The following B3GALT1 variants were observed in gnomAD, a reference collection of about 807,000 sequenced individuals.
B3GALT1 encodes the protein UDP-Gal:betaGlcNAc beta 1,3-galactosyltransferase, polypeptide 1.
In B3GALT1, 10 loss-of-function variants were observed where a neutral mutation model predicts 23.2. The observed-to-expected ratio is 0.43, with a 90% CI of 0.27 to 0.73. B3GALT1 has a LOEUF of 0.73. Ranked by LOEUF, B3GALT1 falls within the 30% of genes least tolerant of loss-of-function variation. The probability of loss-of-function intolerance (pLI) is 0.21; values close to 1 mark genes in which losing one functional copy is unlikely to be tolerated. For synonymous variants in B3GALT1, 156 were observed against 141.5 expected (o/e 1.10, Z -0.73); for missense variants, 299 against 405.4 (o/e 0.74, Z 2.25).
At chr2:167,718,504 T>C (rs2105252510) in intron 3 of B3GALT1, among the ~76,000 whole-genome samples, 1 of 152,306 alleles carries the variant, frequency 6.6e-6, no homozygotes, top group East Asian at 1.9e-4. Flanking sequence ...AGCAATATTT[T>C]TCCTCACCAG....
At chr2:167,760,765 T>C (rs1687887761) in intron 3 of B3GALT1, among the ~76,000 whole-genome samples, 1 of 152,196 alleles carries the variant, frequency 6.6e-6, no homozygotes, top group African/African-American at 2.4e-5. Context: ...CGTTAGTTTC[T>C]CAAGCTACCT....
chr2:167,748,329 G>A (rs758922108), intron 3 of B3GALT1, among the ~76,000 whole-genome samples: 1 of 151,926 alleles, frequency 6.6e-6, no homozygotes, highest in Non-Finnish European at 1.5e-5. Flanking sequence ...CGAGATGAGC[G>A]ATAACTTGCA....
chr2:167,830,130 G>A (rs1209115268), intron 4 of B3GALT1, among the ~76,000 whole-genome samples: 1 of 152,192 alleles, frequency 6.6e-6, no homozygotes, highest in East Asian at 1.9e-4. Flanking sequence ...TCTCGCCAAT[G>A]CCCACCAGAG....
intron 3 of B3GALT1, among the ~76,000 whole-genome samples, chr2:167,728,575 TA>T (rs1467370369): frequency 6.6e-6 from 1 of 152,240 alleles, no homozygotes; most frequent in African/African-American, 2.4e-5. Flanking sequence ...GGCAACCTTT[TA>T]TGTCACGACT....
intron 2 of B3GALT1, among the ~76,000 whole-genome samples, chr2:167,539,039 T>A (rs1558897529): frequency 6.6e-6 from 1 of 152,188 alleles, no homozygotes; most frequent in African/African-American, 2.4e-5. Context: ...TTATAATAGT[T>A]AATGTAAAAG....
chr2:167,657,922 C>A (rs146133313), intron 3 of B3GALT1, among the ~76,000 whole-genome samples: 436 of 152,208 alleles, frequency 2.9e-3, no homozygotes, highest in African/African-American at 9.8e-3. Context: ...TTAAATGAAT[C>A]AAAATCTATT....
At chr2:167,716,148 C>T in intron 3 of B3GALT1, 3 of 1,365,684 alleles carry the variant, frequency 2.2e-6, no homozygotes, top group Non-Finnish European at 3.0e-6. Context: ...GGTCTGGAAC[C>T]CGAATCCGCA....
chr2:167,869,417 CA>C lies in B3GALT1; in HGVS notation c.380del (p.Asn127IlefsTer31). The C allele has an allele frequency of 6.2e-7, 1 of 1,614,100 alleles. No individual in the cohort carries two copies. Among genetic ancestry groups the C allele is most frequent in the Non-Finnish European group, 8.5e-7 (1 of 1,180,020 alleles). On this transcript the variant is annotated frameshift_variant, in exon 5 of 5. Transcript: ENST00000392690. LOFTEE classifies it high-confidence loss of function. The surrounding 1 kb of genome is among the most constrained non-coding windows in gnomAD (Gnocchi z 6.4). Reference sequence around the variant, plus strand: ...TGGGCAAGAATGCTGATCCTGTTCTCAATCAGATGGTGGAGCAAGAGAGCCA... The same window carrying C: ...TGGGCAAGAATGCTGATCCTGTTCTCATCAGATGGTGGAGCAAGAGAGCCA... ...LLGKNADPVL[N>X]QMVEQESQIF...
intron 2 of B3GALT1, among the ~76,000 whole-genome samples, chr2:167,555,954 C>G (rs1558903307): frequency 6.6e-6 from 1 of 152,138 alleles, no homozygotes; most frequent in Non-Finnish European, 1.5e-5. Context: ...ACATGCCTCA[C>G]CATTCTGTAG....
intron 2 of B3GALT1, among the ~76,000 whole-genome samples, chr2:167,575,406 C>A (rs186443199): frequency 3.4e-4 from 52 of 151,832 alleles, no homozygotes; most frequent in African/African-American, 1.2e-3. Context: ...GTGAGGTCTG[C>A]AAATATGACA....
rs1322437156 is a variant in B3GALT1 at position 167,504,579 on chromosome 2, C to T, written c.-410+14302C>T. Among the ~76,000 whole-genome samples, 7 of 152,254 alleles carry T rather than the reference C, an allele frequency of 4.6e-5. No individual in the cohort carries two copies. The East Asian group carries it at 9.6e-4, about 21-fold the overall frequency. ...CTTATCAGAAAGGAGTAGCATCCTT[C>T]AATCTTCATTGATAGCTGACTGATT... On this transcript the variant is annotated intron_variant, in intron 2 of 4. Coordinates refer to ENST00000392690, the MANE Select transcript of B3GALT1 (RefSeq NM_020981.4).
chr2:167,754,617 G>A (rs1687787991), intron 3 of B3GALT1, among the ~76,000 whole-genome samples: 1 of 152,150 alleles, frequency 6.6e-6, no homozygotes, highest in South Asian at 2.1e-4. Context: ...TACCAAAAGA[G>A]AGGAAAAAGA....
chr2:167,647,817 T>C (rs1160617072), intron 3 of B3GALT1, among the ~76,000 whole-genome samples: 1 of 152,154 alleles, frequency 6.6e-6, no homozygotes, highest in Admixed American at 6.6e-5. Context: ...GGTGGTTGTA[T>C]GTATTTATGG....
At chr2:167,688,484 A>G (rs1686652854) in intron 3 of B3GALT1, among the ~76,000 whole-genome samples, 1 of 152,154 alleles carries the variant, frequency 6.6e-6, no homozygotes, top group South Asian at 2.1e-4. Flanking sequence ...CTGAATGGAA[A>G]TTTTAGAACT....
At chr2:167,809,874 C>T (rs1319930113) in intron 3 of B3GALT1, among the ~76,000 whole-genome samples, 2 of 152,028 alleles carry the variant, frequency 1.3e-5, no homozygotes, top group African/African-American at 2.4e-5. Context: ...TATGTCCTGC[C>T]CCCAGAGGTG....
At chr2:167,666,197 T>C (rs551651270) in intron 3 of B3GALT1, among the ~76,000 whole-genome samples, 4 of 152,360 alleles carry the variant, frequency 2.6e-5, no homozygotes, top group African/African-American at 9.6e-5. Context: ...CTGCCTTCAT[T>C]TCATTATGTA....
intron 1 of B3GALT1, 51 bp from the exon 2 acceptor site, chr2:167,490,126 T>G (rs1234547528): frequency 1.3e-5 from 2 of 152,208 alleles, no homozygotes; most frequent in Non-Finnish European, 2.9e-5. Flanking sequence ...AAAGTGCTAA[T>G]GTCAGCTGAA....
intron 3 of B3GALT1, among the ~76,000 whole-genome samples, chr2:167,793,546 C>T (rs1000165384): frequency 2.6e-5 from 4 of 151,562 alleles, no homozygotes; most frequent in African/African-American, 4.8e-5. Context: ...ATGATTAGTT[C>T]GGATTTTCTT....
chr2:167,297,977 T>G (rs1334712215), intron 1 of B3GALT1, among the ~76,000 whole-genome samples: 2 of 152,152 alleles, frequency 1.3e-5, no homozygotes, highest in Non-Finnish European at 2.9e-5. Context: ...AGTATTTTAT[T>G]TCTCCAGATT....
Sources: gnomAD v4.1 joint callset for allele counts (sites outside exome capture counted in the v4.1 genomes callset) on GRCh38, gnomAD v4.1.1 for gene constraint, Gnocchi (gnomAD v3.1) non-coding constraint, MANE v1.5 for transcripts, NCBI Gene and HGNC (gene_info 2026-07-23, HGNC 2026-07-21) for gene names.